The following EPAS1 variants were observed in gnomAD, a reference collection of about 807,000 sequenced individuals.
EPAS1 encodes endothelial PAS domain protein 1.
A neutral mutation model predicts 87.9 loss-of-function variants in EPAS1; 23 were observed. That is an observed-to-expected ratio of 0.26 (90% CI 0.19 to 0.37). The LOEUF is 0.37. Among genes scored for constraint, EPAS1 ranks in the 10% least tolerant of loss-of-function variants. The pLI, the probability that EPAS1 is intolerant of heterozygous loss-of-function variation, is 1.00. For missense variants in EPAS1, 1,138 were observed against 1,120.7 expected, an observed-to-expected ratio of 1.02 and a Z score of -0.22; for synonymous variants, 508 against 444.3, an observed-to-expected ratio of 1.14 and a Z score of -1.80.
intron 1 of EPAS1, among the ~76,000 whole-genome samples, chr2:46,331,243 C>T (rs1683666398): frequency 6.6e-6 from 1 of 152,206 alleles, no homozygotes; most frequent in African/African-American, 2.4e-5. Flanking sequence ...GTGTGTCTCC[C>T]TGACTGGGCT....
At chr2:46,304,374 A>T (rs928629214) in intron 1 of EPAS1, among the ~76,000 whole-genome samples, 2 of 152,190 alleles carry the variant, frequency 1.3e-5, no homozygotes, top group Non-Finnish European at 2.9e-5. Context: ...GGAGGTCCCC[A>T]GAGTCTATAC....
At chr2:46,301,824 G>GAAAA (rs3053640) in intron 1 of EPAS1, among the ~76,000 whole-genome samples, 3 of 131,392 alleles carry the variant, frequency 2.3e-5, no homozygotes, top group African/African-American at 3.0e-5. Flanking sequence ...TTTGCTTTTT[G>GAAAA]AAAAAAAAAA....
At chr2:46,307,839 C>A (rs1683137239) in intron 1 of EPAS1, among the ~76,000 whole-genome samples, 1 of 152,166 alleles carries the variant, frequency 6.6e-6, no homozygotes, top group African/African-American at 2.4e-5. Context: ...GCGGGATTGT[C>A]CTATCCTCGG....
At chr2:46,332,074 G>A (rs1651371480) in intron 1 of EPAS1, among the ~76,000 whole-genome samples, 1 of 152,206 alleles carries the variant, frequency 6.6e-6, no homozygotes, top group South Asian at 2.1e-4. Flanking sequence ...CCTGTCTTCA[G>A]CTGCCAGGGC....
chr2:46,327,881 G>C (rs1231595447), intron 1 of EPAS1, among the ~76,000 whole-genome samples: 2 of 152,194 alleles, frequency 1.3e-5, no homozygotes, highest in Non-Finnish European at 2.9e-5. Context: ...CTCCTGCCAA[G>C]TCTTTGGGAA....
chr2:46,375,940 GC>G lies in EPAS1; in HGVS notation c.1034+106del. ...CCTAGGAGATGCCAGGCCTCTCAGC[GC>G]CCTGGGCACCACCTCAGGGAGGTCT... is the stretch of plus-strand genomic sequence containing the variant. On this transcript the variant is annotated intron_variant, in intron 8 of 15. Transcript: ENST00000263734. The surrounding 1 kb of genome is among the most constrained non-coding windows in gnomAD (Gnocchi z 4.1). The G allele has an allele frequency of 6.7e-7, 1 of 1,503,742 alleles. No individual in the cohort carries two copies. Among genetic ancestry groups the G allele is most frequent in the East Asian group, 2.3e-5 (1 of 44,344 alleles). 93.1% of individuals were successfully genotyped at this position (1,503,742 alleles called of 1,614,324 possible).
At position 46,360,965 on chromosome 2, in the gene EPAS1, G is replaced by T. The variant is rs186340883; in HGVS notation, c.654G>T (p.Leu218=). The change falls in exon 6 of 16, where the codon CTG becomes CTT. Residue 218 remains leucine (L), a synonymous_variant. Transcript: ENST00000263734. This position sits in a 1 kb window ranked among gnomAD's most constrained non-coding sequence, Gnocchi z 4.5. ...HNSLCGYKEP[L]LSCLIIMCEP... ...GTCTGTGTGGCTACAAGGAGCCCCT[G>T]CTGTCCTGCCTCATCATCATGTGTG... The T allele has an allele frequency of 9.9e-6, 16 of 1,614,186 alleles. No homozygotes were observed. In the Admixed American group the frequency reaches 2.7e-4, roughly 27 times the overall value.
chr2:46,378,795 G>C (rs181340593), intron 11 of EPAS1, 28 bp downstream of exon 11: 2 of 1,565,502 alleles, frequency 1.3e-6, no homozygotes, highest in Admixed American at 1.7e-5. Context: ...TCAGGCTAGG[G>C]TGTGTGCCTG....
In EPAS1 at chr2:46,360,888, T is replaced by C. The variant is rs1439615172; in HGVS notation, c.577T>C (p.Leu193=). ...GACCCTTCCACGCCTGTCTCAGGTC[T>C]TGCACTGCACGGGCCAGGTGAAAGT... ...VNLKSATWKV[L]HCTGQVKVYN... is the part of the protein sequence containing the mutation. The change falls in exon 6 of 16, where the codon TTG becomes CTG. Residue 193 remains leucine (L), a synonymous_variant. Transcript: ENST00000263734. The surrounding 1 kb of genome is among the most constrained non-coding windows in gnomAD (Gnocchi z 4.5). The C allele has an allele frequency of 6.2e-7, 1 of 1,614,166 alleles. No homozygotes were observed. Among genetic ancestry groups the C allele is most frequent in the South Asian group, 1.1e-5 (1 of 91,080 alleles).
chr2:46,377,609 C>CGGGTA (rs1477909206), intron 9 of EPAS1, among the ~76,000 whole-genome samples: 1 of 152,240 alleles, frequency 6.6e-6, no homozygotes, highest in Non-Finnish European at 1.5e-5. Context: ...CCTTGTCTAC[C>CGGGTA]CTTCCGGATC....
intron 7 of EPAS1, among the ~76,000 whole-genome samples, chr2:46,372,190 G>A (rs375196142): frequency 6.6e-6 from 1 of 152,210 alleles, no homozygotes; most frequent in South Asian, 2.1e-4. Flanking sequence ...GCTGCCCTGA[G>A]CTCAGAAACC....
At chr2:46,318,676 A>T (rs368589717) in intron 1 of EPAS1, among the ~76,000 whole-genome samples, 1 of 152,114 alleles carries the variant, frequency 6.6e-6, no homozygotes, top group Non-Finnish European at 1.5e-5. Context: ...TTAGTTTTGC[A>T]TAGTGTGGTG....
intron 1 of EPAS1, among the ~76,000 whole-genome samples, chr2:46,302,778 G>A (rs1009009889): frequency 2.0e-5 from 3 of 146,922 alleles, no homozygotes; most frequent in African/African-American, 7.5e-5. Flanking sequence ...GGAAGCTTAA[G>A]TAAAAATATA....
At chr2:46,378,480 G>C (rs927912806) in intron 10 of EPAS1, among the ~76,000 whole-genome samples, 177 bp from the exon 11 acceptor site, 1 of 152,190 alleles carries the variant, frequency 6.6e-6, no homozygotes, top group Non-Finnish European at 1.5e-5. Context: ...ATTTAGAGAG[G>C]TTGATGAATT....
chr2:46,379,472 C>G (rs1572648362), intron 11 of EPAS1, among the ~76,000 whole-genome samples: 2 of 152,216 alleles, frequency 1.3e-5, no homozygotes, highest in South Asian at 4.1e-4. Context: ...ATCACCCTCC[C>G]TCCTCAGCAC....
rs1377802542 is a variant in EPAS1 at position 46,371,923 on chromosome 2, A to C, written c.886+1990A>C. Among the ~76,000 whole-genome samples the C allele has an allele frequency of 1.3e-5, 2 of 152,236 alleles. No homozygotes were observed. Among genetic ancestry groups the C allele is most frequent in the Non-Finnish European group, 1.5e-5 (1 of 68,046 alleles). ...ATCTTGTAGGATGGGAAAGCAGAAG[A>C]AGCTACTGTCAAAGGAAAAAAAAAT... On this transcript the variant is annotated intron_variant, in intron 7 of 15. Transcript: ENST00000263734. The surrounding 1 kb of genome is among the most constrained non-coding windows in gnomAD (Gnocchi z 4.3).
In EPAS1 at chr2:46,386,609, C is replaced by G. The variant is rs1043138341; in HGVS notation, c.*1949C>G. On this transcript the variant is annotated 3_prime_UTR_variant, in exon 16 of 16. Transcript: ENST00000263734. ...TGAACGTTATTATATTGTCGAATTC[C>G]TACTGACAACATTATAACTGTATGG... The G allele has an allele frequency of 1.3e-5, 2 of 152,614 alleles. No individual in the cohort carries two copies. Among genetic ancestry groups the G allele is most frequent in the African/African-American group, 4.8e-5 (2 of 41,452 alleles). 9.5% of individuals were successfully genotyped at this position (152,614 alleles called of 1,614,324 possible). A position where few individuals can be genotyped will look rare whatever the true frequency, so the allele number is the denominator to read the frequency against.
rs2103682215 is a variant in EPAS1 at position 46,384,497 on chromosome 2, C to T, written c.2462-12C>T. On this transcript the variant is annotated splice_polypyrimidine_tract_variant and intron_variant, in intron 15 of 15. Coordinates refer to ENST00000263734, the MANE Select transcript of EPAS1 (RefSeq NM_001430.5). ...TTAGGCCTTTAAGTTATGGTACCAA[C>T]CCTTCTTTCAGGCATGGCAAGCCGG... 1 of 1,614,200 alleles carries T rather than the reference C, an allele frequency of 6.2e-7. No homozygotes were observed. The highest frequency in any genetic ancestry group is 2.2e-5 in the East Asian group (1 of 44,884).
In EPAS1 at chr2:46,332,238, C is replaced by T. The variant is rs187129668; in HGVS notation, c.27-14635C>T. On this transcript the variant is annotated intron_variant, in intron 1 of 15. Transcript: ENST00000263734. ...TCCAGGAGTTTCAGTTCCCTGTCAC[C>T]TGTCAGTGTTAATGGACAGAACTGG... 6.4e-4 allele frequency among the ~76,000 whole-genome samples: 95 copies of T among 148,534 alleles called. 1 individual carries two copies. In the South Asian group the frequency reaches 0.019, roughly 30 times the overall value.
Sources: allele counts gnomAD v4.1 joint callset (sites outside exome capture counted in the v4.1 genomes callset), GRCh38; gene constraint gnomAD v4.1.1; non-coding constraint Gnocchi (gnomAD v3.1); transcripts MANE v1.5; gene names NCBI Gene and HGNC (gene_info 2026-07-23, HGNC 2026-07-21).